SPATA13: variants seen among roughly 807,000 people sequenced by gnomAD.
SPATA13 encodes spermatogenesis associated 13.
In SPATA13, 50 loss-of-function variants were observed where a neutral mutation model predicts 104.0. The ratio of observed to expected loss-of-function variants is 0.48; its 90% CI spans 0.38 to 0.61. The LOEUF (loss-of-function observed/expected upper bound fraction) is 0.61, where lower values mean the gene tolerates loss of function less well. Ranked by LOEUF, SPATA13 falls within the 20% of genes least tolerant of loss-of-function variation. SPATA13 has a pLI of 0.00. For missense variants in SPATA13, 1,524 were observed against 1,690.6 expected (o/e 0.90, Z 1.73); for synonymous variants, 606 against 667.5 (o/e 0.91, Z 1.42).
At chr13:24,001,029 T>G (rs1229605085) in intron 2 of SPATA13, among the ~76,000 whole-genome samples, 1 of 152,112 alleles carries the variant, frequency 6.6e-6, no homozygotes, top group Non-Finnish European at 1.5e-5. Flanking sequence ...GTGCTCTGTG[T>G]TTCCCCCTTG....
intron 2 of SPATA13, among the ~76,000 whole-genome samples, chr13:24,229,841 A>G (rs1424527739): frequency 6.6e-6 from 1 of 152,254 alleles, no homozygotes; most frequent in Non-Finnish European, 1.5e-5. Context: ...GAATGTGGTG[A>G]TGCCAATGAA....
chr13:24,246,531 C>T (rs1873140996), intron 2 of SPATA13, among the ~76,000 whole-genome samples: 1 of 152,106 alleles, frequency 6.6e-6, no homozygotes, highest in African/African-American at 2.4e-5. Context: ...TGCGTTTGTG[C>T]GTGTCTCTGT....
chr13:24,173,999 C>T (rs1466663869), intron 1 of SPATA13, among the ~76,000 whole-genome samples: 1 of 152,102 alleles, frequency 6.6e-6, no homozygotes, highest in Non-Finnish European at 1.5e-5. Context: ...AGGAAATGTT[C>T]CTCTTTCATT....
chr13:24,103,526 GAGAGAGAGAGAGAGAGA>G (rs1366455943), intron 3 of SPATA13, among the ~76,000 whole-genome samples: 6 of 144,486 alleles, frequency 4.2e-5, no homozygotes, highest in South Asian at 2.2e-4. Context: ...AGCAGGGGAG[GAGAGAGAGAGAGAGAGA>G]AGAGAGAGAG....
At chr13:24,083,968 GGT>G in intron 3 of SPATA13, among the ~76,000 whole-genome samples, 1 of 152,184 alleles carries the variant, frequency 6.6e-6, no homozygotes, top group East Asian at 1.9e-4. Flanking sequence ...ATGGATTTTA[GGT>G]GTGCCGTTTG....
chr13:24,115,632 G>T (rs1349104451), intron 3 of SPATA13, among the ~76,000 whole-genome samples: 1 of 152,226 alleles, frequency 6.6e-6, no homozygotes, highest in Admixed American at 6.5e-5. Flanking sequence ...TGCCAAAAAG[G>T]TTGGAGACTG....
chr13:24,216,036 G>C (rs1871244235), intron 1 of SPATA13, among the ~76,000 whole-genome samples: 1 of 152,220 alleles, frequency 6.6e-6, no homozygotes, highest in Non-Finnish European at 1.5e-5. Context: ...ACGCAGGGCA[G>C]TCTTCAGGGC....
intron 3 of SPATA13, among the ~76,000 whole-genome samples, chr13:24,085,166 A>G (rs1411129269): frequency 1.3e-5 from 2 of 152,100 alleles, no homozygotes; most frequent in African/African-American, 4.8e-5. Context: ...TCTGTCACCT[A>G]GGCTGGAGTG....
intron 4 of SPATA13, among the ~76,000 whole-genome samples, chr13:24,280,775 A>T (rs1875442928): frequency 6.6e-6 from 1 of 152,042 alleles, no homozygotes; most frequent in Admixed American, 6.6e-5. Flanking sequence ...ACACTCATGC[A>T]TGAAAAAAAT....
In SPATA13 at chr13:24,049,122, A is replaced by C. The variant is rs142377515; in HGVS notation, c.-112+31421A>C. Among the ~76,000 whole-genome samples, 479 of 152,344 alleles carry C rather than the reference A, an allele frequency of 3.1e-3. 3 individuals carry two copies. The highest frequency in any genetic ancestry group is 0.011 in the African/African-American group (453 of 41,582). On this transcript the variant is annotated intron_variant, in intron 3 of 14. Coordinates refer to the SPATA13 transcript ENST00000424834. ...CCCTGGACATGATGAGGAGCCTAGAACAAGTGTATTGATTCTCCAGTTGTT... is the reference window on the plus strand; with the variant it reads ...CCCTGGACATGATGAGGAGCCTAGACCAAGTGTATTGATTCTCCAGTTGTT...
At chr13:24,082,120 A>G (rs901554888) in intron 3 of SPATA13, among the ~76,000 whole-genome samples, 5 of 152,208 alleles carry the variant, frequency 3.3e-5, no homozygotes, top group Admixed American at 6.5e-5. Flanking sequence ...ACTGCAATCT[A>G]CTGTGTGCCA....
At chr13:24,060,677 C>T (rs1390573429) in intron 3 of SPATA13, among the ~76,000 whole-genome samples, 1 of 145,152 alleles carries the variant, frequency 6.9e-6, no homozygotes, top group Non-Finnish European at 1.5e-5. Flanking sequence ...TATGTGCAAA[C>T]TATGCCTCTG....
intron 2 of SPATA13, among the ~76,000 whole-genome samples, chr13:24,000,503 T>C (rs1875906812): frequency 6.6e-6 from 1 of 151,652 alleles, no homozygotes; most frequent in African/African-American, 2.4e-5. Context: ...GCCCTTGCCA[T>C]CCCCAAACCT....
intron 3 of SPATA13, chr13:24,017,773 G>A: frequency 5.9e-6 from 5 of 847,216 alleles, no homozygotes; most frequent in Non-Finnish European, 7.1e-6. Flanking sequence ...ACCTCCATTT[G>A]CAGATTGTAT....
chr13:24,150,650 G>C (rs1882073379), intron 3 of SPATA13, among the ~76,000 whole-genome samples: 1 of 152,108 alleles, frequency 6.6e-6, no homozygotes, highest in Admixed American at 6.5e-5. Context: ...AGTTGATGTT[G>C]AAGTCTTGGG....
intron 3 of SPATA13, among the ~76,000 whole-genome samples, chr13:24,117,874 C>T (rs984973799): frequency 6.6e-6 from 1 of 152,158 alleles, no homozygotes. Flanking sequence ...TAATGTATAT[C>T]TTATTCAGCT....
intron 1 of SPATA13, among the ~76,000 whole-genome samples, chr13:24,163,856 C>T (rs992305862): frequency 2.0e-5 from 3 of 152,208 alleles, no homozygotes; most frequent in Non-Finnish European, 4.4e-5. Context: ...TTTCTTTCCC[C>T]TTCCTTTCCC....
At position 24,305,411 on chromosome 13, in the gene SPATA13, C is replaced by T. The variant is rs907797738; in HGVS notation, c.*2638C>T. ...GATGTTCAGGTGATTTTGAAAACTG[C>T]TAACATTTTTAAAAGGCTAGAACAT... On this transcript the variant is annotated 3_prime_UTR_variant, in exon 13 of 13. Transcript: ENST00000382108. The T allele has an allele frequency of 6.6e-6, 1 of 152,206 alleles. No individual in the cohort carries two copies. Among genetic ancestry groups the T allele is most frequent in the Non-Finnish European group, 1.5e-5 (1 of 68,036 alleles). 9.4% of individuals were successfully genotyped at this position (152,206 alleles called of 1,614,324 possible). A position where few individuals can be genotyped will look rare whatever the true frequency, so the allele number is the denominator to read the frequency against.
chr13:24,060,037 A>G (rs1878720786), intron 3 of SPATA13, among the ~76,000 whole-genome samples: 1 of 152,172 alleles, frequency 6.6e-6, no homozygotes, highest in Non-Finnish European at 1.5e-5. Flanking sequence ...TGGTTTATTG[A>G]GAAGTTCCAA....
Sources: allele counts gnomAD v4.1 joint callset (sites outside exome capture counted in the v4.1 genomes callset), GRCh38; gene constraint gnomAD v4.1.1; transcripts MANE v1.5; gene names NCBI Gene and HGNC (gene_info 2026-07-23, HGNC 2026-07-21).